The following SRPK2 variants were observed in gnomAD, a reference collection of about 807,000 sequenced individuals.
SRPK2 encodes SFRS protein kinase 2.
In SRPK2, 21 loss-of-function variants were observed where a neutral mutation model predicts 90.8. The ratio of observed to expected loss-of-function variants is 0.23; its 90% CI spans 0.16 to 0.33. The LOEUF (loss-of-function observed/expected upper bound fraction) is 0.33, where lower values mean the gene tolerates loss of function less well. Among genes scored for constraint, SRPK2 ranks in the 10% least tolerant of loss-of-function variants. SRPK2 has a pLI of 1.00. For missense variants in SRPK2, 620 were observed against 869.0 expected (o/e 0.71, Z 3.60); for synonymous variants, 288 against 311.1 (o/e 0.93, Z 0.78).
chr7:105,178,438 AC>A (rs1792285629), intron 3 of SRPK2, among the ~76,000 whole-genome samples: 2 of 152,202 alleles, frequency 1.3e-5, no homozygotes, highest in African/African-American at 4.8e-5. Context: ...ATTTCCTATA[AC>A]AGTAATGAAT....
At position 105,233,091 on chromosome 7, in the gene SRPK2, A is replaced by G. The variant is rs796355935; in HGVS notation, c.72-29306T>C. Among the ~76,000 whole-genome samples, 894 of 91,866 alleles carry G rather than the reference A, an allele frequency of 9.7e-3. 29 individuals carry two copies. The highest frequency in any genetic ancestry group is 0.03 in the African/African-American group (714 of 23,446). The allele number at this position is 91,866 out of a possible 152,430, so 60.3% of individuals were successfully genotyped here. On this transcript the variant is annotated intron_variant, in intron 2 of 15. Transcript: ENST00000393651. ...GGAAGGAAGGAAGGAAAGGAAGGAA[A>G]GAAGGAAGGAAGGAAGGAAGGAAGG... is the stretch of plus-strand genomic sequence containing the variant.
chr7:105,116,252 C>T (rs547352884), downstream of SRPK2: 1 of 152,230 alleles, frequency 6.6e-6, no homozygotes, highest in Admixed American at 6.5e-5. Context: ...TAATACGCCT[C>T]AATGCATGTT....
chr7:105,225,243 C>T (rs867599287), intron 2 of SRPK2, among the ~76,000 whole-genome samples: 1 of 152,196 alleles, frequency 6.6e-6, no homozygotes, highest in South Asian at 2.1e-4. Context: ...TAAAATCTGA[C>T]TTGCTTTTCT....
intron 2 of SRPK2, among the ~76,000 whole-genome samples, chr7:105,270,045 G>A (rs1805621139): frequency 6.6e-6 from 1 of 152,174 alleles, no homozygotes; most frequent in Non-Finnish European, 1.5e-5. Flanking sequence ...ATGAGAAGAT[G>A]TAAAGGAAAA....
At chr7:105,327,228 G>A (rs940261799) in intron 2 of SRPK2, among the ~76,000 whole-genome samples, 1 of 151,696 alleles carries the variant, frequency 6.6e-6, no homozygotes, top group Non-Finnish European at 1.5e-5. Context: ...TAATGGTTGG[G>A]GAAAAAATCA....
intron 3 of SRPK2, among the ~76,000 whole-genome samples, chr7:105,176,709 A>G (rs1414203478): frequency 3.9e-5 from 5 of 127,526 alleles, no homozygotes; most frequent in East Asian, 2.7e-4. Context: ...ATGTATGTGT[A>G]TGTGTGTGTG....
intron 2 of SRPK2, among the ~76,000 whole-genome samples, chr7:105,252,570 A>G (rs139181226): frequency 6.6e-6 from 1 of 152,326 alleles, no homozygotes; most frequent in African/African-American, 2.4e-5. Flanking sequence ...TACTGATATT[A>G]TACTATCTTC....
rs139060250 is a variant in SRPK2 at position 105,142,150 on chromosome 7, C to T, written c.1401G>A (p.Ser467=). The T allele has an allele frequency of 9.2e-4, 1,477 of 1,614,156 alleles. 1 individual carries two copies. The highest frequency in any genetic ancestry group is 1.1e-3 in the Non-Finnish European group (1,343 of 1,180,026). Residue 467 remains serine, a synonymous_variant, in exon 11 of 16, where the codon TCG becomes TCA. Coordinates refer to ENST00000393651, the MANE Select transcript of SRPK2 (RefSeq NM_182692.3). The part of the protein sequence containing the change: ...PESQFPEFST[S]LFSGSLEPVA... ...CAGGTTCTAAGGATCCAGAGAACAA[C>T]GAGGTGGAAAACTCTGGGAACTGTG...
intron 2 of SRPK2, among the ~76,000 whole-genome samples, chr7:105,327,660 G>C (rs969756177): frequency 6.6e-6 from 1 of 152,158 alleles, no homozygotes; most frequent in Non-Finnish European, 1.5e-5. Flanking sequence ...CACATGTCCT[G>C]GTTTATTACT....
At chr7:105,289,897 C>G (rs1313179913) in intron 2 of SRPK2, among the ~76,000 whole-genome samples, 1 of 152,124 alleles carries the variant, frequency 6.6e-6, no homozygotes, top group Non-Finnish European at 1.5e-5. Flanking sequence ...CACTTAAATA[C>G]TCACAGAACA....
At chr7:105,205,515 TC>T (rs1796094637) in intron 2 of SRPK2, among the ~76,000 whole-genome samples, 1 of 111,822 alleles carries the variant, frequency 8.9e-6, no homozygotes, top group Non-Finnish European at 1.8e-5. Flanking sequence ...TCTCTCTCTC[TC>T]TCACACACAC....
At chr7:105,255,075 C>T (rs944725833) in intron 2 of SRPK2, among the ~76,000 whole-genome samples, 1 of 146,682 alleles carries the variant, frequency 6.8e-6, no homozygotes, top group Non-Finnish European at 1.5e-5. Context: ...TGATTAACAG[C>T]TCAGTGCCTT....
At chr7:105,124,130 G>T (rs979707859) in intron 15 of SRPK2, among the ~76,000 whole-genome samples, 1 of 152,140 alleles carries the variant, frequency 6.6e-6, no homozygotes, top group Non-Finnish European at 1.5e-5. Flanking sequence ...CACGCAGGCC[G>T]CTCTCACTGA....
rs751987422 is a variant in SRPK2, at chr7:105,142,162, C to T, written c.1389G>A (p.Glu463=). 6.2e-7 allele frequency: 1 copy of T among 1,614,176 alleles called. No individual in the cohort carries two copies. The highest frequency in any genetic ancestry group is 1.7e-4 in the Middle Eastern group (1 of 6,054). ...RHKIPESQFP[E]FSTSLFSGSL... ...ATCCAGAGAACAACGAGGTGGAAAA[C>T]TCTGGGAACTGTGACTCGGGAATTT... Residue 463 remains glutamate, a synonymous_variant, in exon 11 of 16, where the codon GAG becomes GAA. Coordinates refer to ENST00000393651, the MANE Select transcript of SRPK2 (RefSeq NM_182692.3).
chr7:105,249,094 C>T (rs1481905450), intron 2 of SRPK2, among the ~76,000 whole-genome samples: 1 of 152,174 alleles, frequency 6.6e-6, no homozygotes, highest in Non-Finnish European at 1.5e-5. Context: ...ATGGAAGTGA[C>T]TGGAGAAAAG....
intron 2 of SRPK2, among the ~76,000 whole-genome samples, chr7:105,220,837 T>C (rs1454748790): frequency 1.3e-5 from 2 of 152,254 alleles, no homozygotes; most frequent in Non-Finnish European, 2.9e-5. Context: ...AGAAGCCATC[T>C]TGAATTGTTT....
intron 3 of SRPK2, among the ~76,000 whole-genome samples, chr7:105,173,688 C>G (rs1371262385): frequency 6.6e-6 from 1 of 152,174 alleles, no homozygotes; most frequent in African/African-American, 2.4e-5. Flanking sequence ...AGTACAGTCA[C>G]TAGACAAAGA....
At chr7:105,150,964 C>T (rs1805555157) in intron 7 of SRPK2, among the ~76,000 whole-genome samples, 1 of 152,146 alleles carries the variant, frequency 6.6e-6, no homozygotes, top group African/African-American at 2.4e-5. Flanking sequence ...GGTTGATTCA[C>T]TGTGCGGGAG....
chr7:105,303,012 T>C (rs908549290), intron 2 of SRPK2, among the ~76,000 whole-genome samples: 1 of 151,844 alleles, frequency 6.6e-6, no homozygotes, highest in African/African-American at 2.4e-5. Flanking sequence ...AGGCGGAGCT[T>C]GCAGCAAGCC....
Sources: gnomAD v4.1 joint callset for allele counts (sites outside exome capture counted in the v4.1 genomes callset) on GRCh38, gnomAD v4.1.1 for gene constraint, MANE v1.5 for transcripts, NCBI Gene and HGNC (gene_info 2026-07-23, HGNC 2026-07-21) for gene names.